PLCB4: variants seen among roughly 807,000 people sequenced by gnomAD.
PLCB4 encodes the protein phospholipase C beta 4, also known as 1-phosphatidylinositol 4,5-bisphosphate phosphodiesterase beta-4.
Under a neutral mutation model 178.8 loss-of-function variants are expected in PLCB4, and 77 were observed. The observed-to-expected ratio is 0.43, with a 90% CI of 0.36 to 0.52. PLCB4 has a LOEUF of 0.52. Ranked by LOEUF, PLCB4 falls within the 20% of genes least tolerant of loss-of-function variation. The pLI is 0.00. For synonymous variants in PLCB4, 496 were observed against 490.8 expected (o/e 1.01, Z -0.14); for missense variants, 1,024 against 1,453.4 (o/e 0.70, Z 4.80).
At chr20:9,222,102 TTTTATTTTG>T in intron 3 of PLCB4, among the ~76,000 whole-genome samples, 2 of 97,220 alleles carry the variant, frequency 2.1e-5, no homozygotes. Context: ...TTTTATTTTA[TTTTATTTTG>T]ACAGGGTCTG....
intron 3 of PLCB4, among the ~76,000 whole-genome samples, chr20:9,258,649 A>G (rs1601477639): frequency 7.3e-6 from 1 of 137,550 alleles, no homozygotes; most frequent in South Asian, 2.4e-4. Flanking sequence ...CGGGAGGCGG[A>G]GGTTGCAGTG....
chr20:9,164,067 T>G (rs186680918), intron 2 of PLCB4, among the ~76,000 whole-genome samples: 1 of 152,338 alleles, frequency 6.6e-6, no homozygotes, highest in Non-Finnish European at 1.5e-5. Context: ...ACTTTTAACT[T>G]TATTCCTTCT....
intron 3 of PLCB4, among the ~76,000 whole-genome samples, chr20:9,273,865 T>A (rs2094428799): frequency 6.6e-6 from 1 of 152,090 alleles, no homozygotes; most frequent in Non-Finnish European, 1.5e-5. Context: ...AAACTTACAT[T>A]TTTAGAAAAG....
intron 2 of PLCB4, among the ~76,000 whole-genome samples, chr20:9,149,750 A>C (rs1171651013): frequency 6.6e-6 from 1 of 152,194 alleles, no homozygotes; most frequent in African/African-American, 2.4e-5. Context: ...AAGTAATTTC[A>C]GTACCTAAGT....
chr20:9,150,157 A>G (rs529686514), intron 2 of PLCB4, among the ~76,000 whole-genome samples: 1 of 152,324 alleles, frequency 6.6e-6, no homozygotes, highest in Non-Finnish European at 1.5e-5. Flanking sequence ...CCAGGTGTGT[A>G]ATGTGAAAGA....
In PLCB4 at chr20:9,402,021, C is replaced by T. The variant is rs73248714; in HGVS notation, c.1611+431C>T. Among the ~76,000 whole-genome samples, 241 of 152,268 alleles carry T rather than the reference C, an allele frequency of 1.6e-3. 1 individual carries two copies. The highest frequency in any genetic ancestry group is 5.5e-3 in the African/African-American group (230 of 41,568). On this transcript the variant is annotated intron_variant, in intron 20 of 39. Coordinates refer to ENST00000378473, the MANE Select transcript of PLCB4 (RefSeq NM_001377142.1). ...AAGTACAGTAAGCATAAAAATGTTT[C>T]CAGATATTCAGCCAAGGAAAATAGT...
At chr20:9,456,245 G>A (rs780079188) in intron 33 of PLCB4, among the ~76,000 whole-genome samples, 1 of 152,160 alleles carries the variant, frequency 6.6e-6, no homozygotes, top group African/African-American at 2.4e-5. Flanking sequence ...CAAATGAAAG[G>A]TTTCCCCTTA....
chr20:9,182,745 GC>G (rs1320841335), intron 2 of PLCB4, among the ~76,000 whole-genome samples: 1 of 152,100 alleles, frequency 6.6e-6, no homozygotes, highest in African/African-American at 2.4e-5. Context: ...TGAAACCTTG[GC>G]CCTCTGCCGA....
intron 24 of PLCB4, among the ~76,000 whole-genome samples, 191 bp from the exon 25 acceptor site, chr20:9,410,846 A>G (rs1037859363): frequency 3.3e-5 from 5 of 152,204 alleles, no homozygotes; most frequent in Non-Finnish European, 4.4e-5. Flanking sequence ...TTTATGTTTA[A>G]TTTAAATGAA....
intron 32 of PLCB4, among the ~76,000 whole-genome samples, chr20:9,446,648 G>A (rs1426858124): frequency 2.0e-5 from 3 of 152,198 alleles, no homozygotes; most frequent in Non-Finnish European, 2.9e-5. Flanking sequence ...GGAGGCCAAG[G>A]CAAGCAGATC....
chr20:9,356,643 C>G (rs2034850106), intron 7 of PLCB4, among the ~76,000 whole-genome samples: 1 of 152,170 alleles, frequency 6.6e-6, no homozygotes, highest in Admixed American at 6.5e-5. Context: ...TCTTATTTCT[C>G]TTGAATGCCC....
chr20:9,370,013 T>C (rs1400965002), intron 9 of PLCB4, among the ~76,000 whole-genome samples: 1 of 152,182 alleles, frequency 6.6e-6, no homozygotes, highest in African/African-American at 2.4e-5. Flanking sequence ...AGGGAGCGAT[T>C]GAAGGCTCCT....
At chr20:9,306,215 C>T (rs2094763881) in intron 3 of PLCB4, among the ~76,000 whole-genome samples, 3 of 152,104 alleles carry the variant, frequency 2.0e-5, no homozygotes. Flanking sequence ...AGCAATTCTC[C>T]CTGCCTTAGC....
chr20:9,415,274 A>G (rs2040164221), intron 25 of PLCB4, among the ~76,000 whole-genome samples: 1 of 151,840 alleles, frequency 6.6e-6, no homozygotes, highest in South Asian at 2.1e-4. Flanking sequence ...CAATTTTTAT[A>G]TTAGGTTCTA....
chr20:9,390,714 T>C (rs1769739605), intron 17 of PLCB4, 99 bp downstream of exon 17: 10 of 579,494 alleles, frequency 1.7e-5, no homozygotes, highest in Non-Finnish European at 3.1e-5. Context: ...CTAAAGATCT[T>C]CATATTTATT....
At chr20:9,174,129 T>G (rs1250871421) in intron 2 of PLCB4, among the ~76,000 whole-genome samples, 1 of 151,982 alleles carries the variant, frequency 6.6e-6, no homozygotes, top group Admixed American at 6.6e-5. Flanking sequence ...TGCTGCTTCT[T>G]GTTTTGTTTT....
At chr20:9,188,889 ATTGTGGAGGG>A (rs2093364961) in intron 2 of PLCB4, among the ~76,000 whole-genome samples, 6 of 79,138 alleles carry the variant, frequency 7.6e-5, no homozygotes, top group Non-Finnish European at 1.1e-4. Context: ...TTAATTGTTC[ATTGTGGAGGG>A]CTGTCATATA....
intron 2 of PLCB4, among the ~76,000 whole-genome samples, chr20:9,107,893 T>G (rs548957646): frequency 6.6e-6 from 1 of 151,984 alleles, no homozygotes; most frequent in Non-Finnish European, 1.5e-5. Context: ...TTAACGAGGT[T>G]TGGAGGGATG....
intron 9 of PLCB4, 111 bp from the exon 10 acceptor site, chr20:9,371,103 C>T: frequency 1.4e-6 from 1 of 734,806 alleles, no homozygotes; most frequent in Non-Finnish European, 2.5e-6. Context: ...ATTTTATTCT[C>T]CTCTTCCTTT....
Sources: allele counts gnomAD v4.1 joint callset (sites outside exome capture counted in the v4.1 genomes callset), GRCh38; gene constraint gnomAD v4.1.1; transcripts MANE v1.5; gene names NCBI Gene and HGNC (gene_info 2026-07-23, HGNC 2026-07-21).